Variants in ABCA6 observed in about 807,000 individuals in gnomAD.
The protein encoded by ABCA6 is ATP-binding cassette sub-family A member 6.
In ABCA6, 164 loss-of-function variants were observed where a neutral mutation model predicts 191.2. The ratio of observed to expected loss-of-function variants is 0.86; its 90% confidence interval spans 0.76 to 0.98. The LOEUF (loss-of-function observed/expected upper bound fraction) is 0.98, where lower values mean the gene tolerates loss of function less well. ABCA6 is among the 50% of genes least tolerant of loss of function. The pLI, the probability that ABCA6 is intolerant of heterozygous loss-of-function variation, is 0.00. For synonymous variants in ABCA6, 636 were observed against 647.7 expected, an observed-to-expected ratio of 0.98 and a Z score of 0.27; for missense variants, 1,958 against 1,894.1, an observed-to-expected ratio of 1.03 and a Z score of -0.63.
intron 3 of ABCA6, among the ~76,000 whole-genome samples, chr17:69,136,554 A>G (rs906211289): frequency 6.6e-6 from 1 of 152,230 alleles, no homozygotes; most frequent in African/African-American, 2.4e-5. Flanking sequence ...GTACAAAAAC[A>G]GAATTAATTG....
At chr17:69,126,543 G>C (rs117355086) in intron 8 of ABCA6, among the ~76,000 whole-genome samples, 2 of 151,980 alleles carry the variant, frequency 1.3e-5, no homozygotes, top group Non-Finnish European at 2.9e-5. Flanking sequence ...AGTTACTTGC[G>C]AGGCCGAGGC....
At position 69,102,896 on chromosome 17, in the gene ABCA6, T is replaced by C. The variant is rs766064587; in HGVS notation, c.2813A>G (p.Asn938Ser). 6.2e-7 allele frequency: 1 copy of C among 1,601,574 alleles called. No individual in the cohort carries two copies. Among genetic ancestry groups the C allele is most frequent in the East Asian group, 2.3e-5 (1 of 44,162 alleles). The change falls in exon 21 of 39, where the codon AAC becomes AGC. Residue 938 changes from asparagine (N) to serine (S), a missense_variant. Asn to Ser is a conservative substitution (Grantham distance 46). Coordinates refer to ENST00000284425, the MANE Select transcript of ABCA6 (RefSeq NM_080284.3). ...TGAGAGGCCATCAGTACCATTTCTG[T>C]TTTCAAAGTCATCTACTTCCAAAAG... ...NILLEVDDFE[N>S]RNGTDGLSYN... is the part of the protein sequence containing the mutation.
At chr17:69,135,076 T>A (rs2144719827) in intron 4 of ABCA6, among the ~76,000 whole-genome samples, 1 of 152,090 alleles carries the variant, frequency 6.6e-6, no homozygotes, top group East Asian at 1.9e-4. Context: ...AGACAGGCTT[T>A]CACCATGTTG....
chr17:69,086,837 G>T, intron 29 of ABCA6, 102 bp from the exon 30 acceptor site: 2 of 693,250 alleles, frequency 2.9e-6, no homozygotes, highest in Non-Finnish European at 4.9e-6. Context: ...CATATTTTGA[G>T]TTGAGAGTAA....
chr17:69,084,629 A>C, intron 32 of ABCA6, 122 bp from the exon 33 acceptor site: 1 of 839,774 alleles, frequency 1.2e-6, no homozygotes, highest in Non-Finnish European at 1.8e-6. Flanking sequence ...CCTAACTCAT[A>C]ATTTTAAAAA....
chr17:69,101,509 T>C (rs931424889), intron 21 of ABCA6, among the ~76,000 whole-genome samples: 1 of 150,558 alleles, frequency 6.6e-6, no homozygotes, highest in Non-Finnish European at 1.5e-5. Context: ...GGCAGAAGAA[T>C]CACTTAAACT....
intron 6 of ABCA6, among the ~76,000 whole-genome samples, chr17:69,131,338 A>G (rs912251513): frequency 2.0e-5 from 3 of 152,184 alleles, no homozygotes; most frequent in African/African-American, 7.2e-5. Flanking sequence ...ATGCCATTAC[A>G]ATAATTAAGC....
At chr17:69,087,679 C>CCAGAAGAA in intron 28 of ABCA6, 1 of 616,788 alleles carries the variant, frequency 1.6e-6, no homozygotes, top group Non-Finnish European at 2.8e-6. Flanking sequence ...TGCCATTCTT[C>CCAGAAGAA]TGGTAAGAAT....
rs1404802707 is a variant in ABCA6 at position 69,129,667 on chromosome 17, T to C, written c.876A>G (p.Ile292Met). The change falls in exon 7 of 39, where the codon ATA becomes ATG. Residue 292 changes from isoleucine to methionine, a missense_variant. Physicochemically the swap from Ile to Met is conservative, Grantham distance 10. Coordinates refer to ENST00000284425, the MANE Select transcript of ABCA6 (RefSeq NM_080284.3). ...VTIIITFTQI[I>M]VMTGFMVIFI... is the part of the protein sequence containing the mutation. The stretch of plus-strand genomic sequence containing the variant: ...ATATGACCATGAAGCCAGTCATGAC[T>C]ATAATTTGGGTGAATGTTATGATAA... The C allele has an allele frequency of 6.2e-7, 1 of 1,604,956 alleles. No individual in the cohort carries two copies.
Position 69,140,598 on chromosome 17 carries a change from T to G in ABCA6, c.96+10A>C. ...GCTAACCGTGGAAAGAGACAAATTTTTAAACATACCAATAAGCTCTCTCTT... is the reference window on the plus strand; with the variant it reads ...GCTAACCGTGGAAAGAGACAAATTTGTAAACATACCAATAAGCTCTCTCTT... On this transcript the variant is annotated intron_variant, in intron 2 of 38. Coordinates refer to ENST00000284425, the MANE Select transcript of ABCA6 (RefSeq NM_080284.3). 1 of 1,581,338 alleles carries G rather than the reference T, an allele frequency of 6.3e-7. No homozygotes were observed. Among genetic ancestry groups the G allele is most frequent in the African/African-American group, 1.4e-5 (1 of 73,434 alleles).
intron 26 of ABCA6, 69 bp from the exon 27 acceptor site, chr17:69,089,611 A>T: frequency 7.8e-7 from 1 of 1,283,226 alleles, no homozygotes; most frequent in Non-Finnish European, 1.1e-6. Context: ...GCACTTAAAT[A>T]ATATAAAATT....
chr17:69,115,469 A>T lies in ABCA6; in HGVS notation c.1513T>A (p.Tyr505Asn). The T allele has an allele frequency of 6.2e-7, 1 of 1,610,156 alleles. No homozygotes were observed. Among genetic ancestry groups the T allele is most frequent in the Non-Finnish European group, 8.5e-7 (1 of 1,178,028 alleles). Reference protein sequence around the residue: ...EALKGLLFDIYEGQITAILGH... With the variant: ...EALKGLLFDINEGQITAILGH... Reference sequence around the variant, plus strand: ...AGGATTGCCGTGATTTGACCTTCATATATGTCAAAGAGCAAGCCTATTTTT... The same window carrying T: ...AGGATTGCCGTGATTTGACCTTCATTTATGTCAAAGAGCAAGCCTATTTTT... Residue 505 changes from tyrosine to asparagine, a missense_variant, in exon 12 of 39, where the codon TAT (tyrosine) becomes AAT (asparagine). Tyr to Asn is a moderately radical substitution (Grantham distance 143). Transcript: ENST00000284425.
intron 26 of ABCA6, among the ~76,000 whole-genome samples, chr17:69,090,744 CAT>C (rs1472128367): frequency 1.3e-5 from 2 of 152,186 alleles, no homozygotes; most frequent in East Asian, 3.8e-4. Context: ...AATGGAATCG[CAT>C]ATGAGTTTAT....
In ABCA6 at chr17:69,133,717, A is replaced by T. The variant is rs771258076; in HGVS notation, c.715T>A (p.Ser239Thr). Residue 239 changes from serine (S) to threonine (T), a missense_variant, in exon 6 of 39, where the codon TCA becomes ACA. Physicochemically the swap from Ser to Thr is moderately conservative, Grantham distance 58. Transcript: ENST00000284425. ...TTTCTCTCTTTTGTTACATTGAGTG[A>T]TATAAAATATACAAGTGGGGAGAAA... ...LHFSPLVYFI[S>T]LNVTKERKKS... 22 of 1,611,758 alleles carry T rather than the reference A, an allele frequency of 1.4e-5. No individual in the cohort carries two copies. Among genetic ancestry groups the T allele is most frequent in the African/African-American group, 2.7e-5 (2 of 74,850 alleles).
At chr17:69,101,679 C>A (rs1206673920) in intron 21 of ABCA6, among the ~76,000 whole-genome samples, 1 of 151,446 alleles carries the variant, frequency 6.6e-6, no homozygotes, top group African/African-American at 2.4e-5. Context: ...ATTAAATATT[C>A]ATCCTTACCC....
chr17:69,101,027 C>T (rs987405986), intron 21 of ABCA6, 93 bp from the exon 22 acceptor site: 1 of 1,067,648 alleles, frequency 9.4e-7, no homozygotes, highest in Non-Finnish European at 1.3e-6. Context: ...GTGCCACATG[C>T]TTGTTGTGTG....
chr17:69,083,467 GATAAC>G lies in ABCA6; in HGVS notation c.4356-141_4356-137del, dbSNP rs546288919. 2.9e-5 allele frequency: 23 copies of G among 784,756 alleles called. No homozygotes were observed. In the African/African-American group the frequency reaches 3.6e-4, roughly 12 times the overall value. The allele number at this position is 784,756 out of a possible 1,614,324, so 48.6% of individuals were successfully genotyped here. On this transcript the variant is annotated intron_variant, in intron 34 of 38. Transcript: ENST00000284425. ...CAATGTAAGTACTGACTAGGTTTTT[GATAAC>G]ATAAATAACATTTTTAAGTATTTTT...
intron 19 of ABCA6, 65 bp from the exon 20 acceptor site, chr17:69,105,693 C>A: frequency 8.2e-7 from 1 of 1,223,130 alleles, no homozygotes; most frequent in Non-Finnish European, 1.1e-6. Flanking sequence ...TAAGACATTC[C>A]ACAAGTATTT....
intron 37 of ABCA6, 39 bp downstream of exon 37, chr17:69,081,027 G>T: frequency 2.4e-6 from 3 of 1,239,944 alleles, no homozygotes; most frequent in South Asian, 1.5e-5. Context: ...AGTATTAGTT[G>T]ATTCTTCAAA....
Sources: allele counts gnomAD v4.1 joint callset (sites outside exome capture counted in the v4.1 genomes callset), GRCh38; gene constraint gnomAD v4.1.1; transcripts MANE v1.5; gene names NCBI Gene and HGNC (gene_info 2026-07-23, HGNC 2026-07-21).